FASTKD5: variants seen among roughly 807,000 people sequenced by gnomAD.
FASTKD5 encodes FAST kinase domains 5.
In FASTKD5, 30 loss-of-function variants were observed where a neutral mutation model predicts 44.0. The ratio of observed to expected loss-of-function variants is 0.68; its 90% confidence interval spans 0.51 to 0.93. FASTKD5 has a LOEUF of 0.93. Ranked by LOEUF, FASTKD5 falls within the 40% of genes least tolerant of loss-of-function variation. The probability of loss-of-function intolerance (pLI) is 0.00; values close to 1 mark genes in which losing one functional copy is unlikely to be tolerated. For missense variants in FASTKD5, 868 were observed against 908.2 expected, an observed-to-expected ratio of 0.96 and a Z score of 0.57; for synonymous variants, 335 against 342.2, an observed-to-expected ratio of 0.98 and a Z score of 0.23.
chr20:3,149,173 A>T lies in FASTKD5; in HGVS notation c.-103T>A. ...GGTGCTTGATTAGAGCTGGACGGGG[A>T]GGTGTTCCACAAAAACTGCCTGGAA... On this transcript the variant is annotated 5_prime_UTR_variant, in exon 2 of 2. Coordinates refer to ENST00000380266, the MANE Select transcript of FASTKD5 (RefSeq NM_021826.5). This position sits in a 1 kb window ranked among gnomAD's most constrained non-coding sequence, Gnocchi z 4.1. 1 of 1,326,658 alleles carries T rather than the reference A, an allele frequency of 7.5e-7. No individual in the cohort carries two copies. The highest frequency in any genetic ancestry group is 1.5e-5 in the South Asian group (1 of 65,466). 82.2% of individuals were successfully genotyped at this position (1,326,658 alleles called of 1,614,324 possible).
chr20:3,158,869 G>A (rs1364947047), intron 1 of FASTKD5, among the ~76,000 whole-genome samples: 1 of 152,240 alleles, frequency 6.6e-6, no homozygotes, highest in African/African-American at 2.4e-5. Context: ...GTTCTGGAAA[G>A]GCAGCCATTC....
Position 3,149,269 on chromosome 20 carries a change from A to G in FASTKD5, c.-190-9T>C. The G allele has an allele frequency of 1.7e-6, 1 of 572,260 alleles. No individual in the cohort carries two copies. Among genetic ancestry groups the G allele is most frequent in the Non-Finnish European group, 3.1e-6 (1 of 324,804 alleles). The allele number at this position is 572,260 out of a possible 1,614,324, so 35.4% of individuals were successfully genotyped here. On this transcript the variant is annotated splice_polypyrimidine_tract_variant and intron_variant, in intron 1 of 1. Transcript: ENST00000380266. The surrounding 1 kb of genome is among the most constrained non-coding windows in gnomAD (Gnocchi z 4.1). The stretch of plus-strand genomic sequence containing the variant: ...AGAATTGGTGCCAGATACTGAAAAA[A>G]GGGTAGATGAAGAATGAGTGGCTTC...
intron 1 of FASTKD5, among the ~76,000 whole-genome samples, chr20:3,154,753 CAT>C (rs1272427008): frequency 1.3e-5 from 2 of 152,132 alleles, no homozygotes; most frequent in African/African-American, 4.8e-5. Flanking sequence ...ATAATACTAA[CAT>C]AATTTTATTA....
Position 3,147,971 on chromosome 20 carries a change from T to A in FASTKD5, c.1100A>T (p.His367Leu). The change falls in exon 2 of 2, where the codon CAC (histidine) becomes CTC (leucine). Residue 367 changes from histidine to leucine, a missense_variant. His to Leu is a moderately conservative substitution (Grantham distance 99). Transcript: ENST00000380266. Reference sequence around the variant, plus strand: ...CTTCATGAAATTGATGTGATCCACGTGAGTGAAACGGAACATTTTAACAAT... The same window carrying A: ...CTTCATGAAATTGATGTGATCCACGAGAGTGAAACGGAACATTTTAACAAT... ...VNIVKMFRFT[H>L]VDHINFMKQI... is the part of the protein sequence containing the mutation. 2 of 1,614,216 alleles carry A rather than the reference T, an allele frequency of 1.2e-6. No individual in the cohort carries two copies. Among genetic ancestry groups the A allele is most frequent in the Non-Finnish European group, 8.5e-7 (1 of 1,180,048 alleles).
chr20:3,152,681 G>A (rs2066643400), intron 1 of FASTKD5, among the ~76,000 whole-genome samples: 1 of 152,128 alleles, frequency 6.6e-6, no homozygotes, highest in South Asian at 2.1e-4. Context: ...GCCAAGGTGG[G>A]CGGACCACTT....
In FASTKD5 at chr20:3,149,597, G is replaced by T. The variant is rs548928163; in HGVS notation, c.-190-337C>A. 3.9e-5 allele frequency among the ~76,000 whole-genome samples: 6 copies of T among 152,336 alleles called. No individual in the cohort carries two copies. The highest frequency in any genetic ancestry group is 2.6e-4 in the Admixed American group (4 of 15,296). On this transcript the variant is annotated intron_variant, in intron 1 of 1. Coordinates refer to ENST00000380266, the MANE Select transcript of FASTKD5 (RefSeq NM_021826.5). This position sits in a 1 kb window ranked among gnomAD's most constrained non-coding sequence, Gnocchi z 4.1. ...AGGAAGGCAGATTTCTAGAAAGAAG[G>T]CTGGGAACAAAAGTGAGCAACTCCT... is the stretch of plus-strand genomic sequence containing the variant.
chr20:3,158,720 C>T (rs1282312527), intron 1 of FASTKD5, among the ~76,000 whole-genome samples: 2 of 152,194 alleles, frequency 1.3e-5, no homozygotes, highest in East Asian at 1.9e-4. Flanking sequence ...GTGATCCGCC[C>T]GCCTTGACCT....
chr20:3,151,047 A>AGTGTGTGTGT (rs372608459), intron 1 of FASTKD5, among the ~76,000 whole-genome samples: 2 of 151,896 alleles, frequency 1.3e-5, no homozygotes, highest in African/African-American at 4.8e-5. Flanking sequence ...AAACCCAGTT[A>AGTGTGTGTGT]GTGTGTGTTT....
chr20:3,148,937 T>C lies in FASTKD5; in HGVS notation c.134A>G (p.Glu45Gly), dbSNP rs2066597154. 1 of 1,614,102 alleles carries C rather than the reference T, an allele frequency of 6.2e-7. No individual in the cohort carries two copies. The highest frequency in any genetic ancestry group is 8.5e-7 in the Non-Finnish European group (1 of 1,180,046). ...STQHGGQDPP[E>G]HISLCHSAKK... ...GGCAGAATGGCAGAGGCTAATGTGT[T>C]CTGGAGGGTCCTGTCCCCCATGCTG... The change falls in exon 2 of 2, where the codon GAA (glutamate) becomes GGA (glycine). Residue 45 changes from glutamate (E) to glycine (G), a missense_variant. Physicochemically the swap from Glu to Gly is moderately conservative, Grantham distance 98. Transcript: ENST00000380266.
chr20:3,158,721 G>A (rs1290089784), intron 1 of FASTKD5, among the ~76,000 whole-genome samples: 1 of 151,806 alleles, frequency 6.6e-6, no homozygotes, highest in African/African-American at 2.4e-5. Flanking sequence ...TGATCCGCCC[G>A]CCTTGACCTC....
intron 1 of FASTKD5, among the ~76,000 whole-genome samples, chr20:3,150,268 T>C (rs2066611318): frequency 6.6e-6 from 1 of 151,968 alleles, no homozygotes; most frequent in Non-Finnish European, 1.5e-5. Flanking sequence ...AAGCAGAAGG[T>C]TGAGGGTCTG....
chr20:3,151,830 C>A (rs965712478), intron 1 of FASTKD5: 1 of 151,836 alleles, frequency 6.6e-6, no homozygotes, highest in Non-Finnish European at 1.5e-5. Context: ...GATGGCCAGG[C>A]GTGGTGGCTC....
chr20:3,155,063 A>G (rs1358407896), intron 1 of FASTKD5, among the ~76,000 whole-genome samples: 2 of 148,146 alleles, frequency 1.4e-5, no homozygotes, highest in Non-Finnish European at 3.0e-5. Flanking sequence ...AAAAAAAAAA[A>G]AAAAAAAAAG....
At chr20:3,152,285 G>A (rs1029196201) in intron 1 of FASTKD5, among the ~76,000 whole-genome samples, 1 of 151,438 alleles carries the variant, frequency 6.6e-6, no homozygotes, top group African/African-American at 2.4e-5. Flanking sequence ...TTCGAGACCA[G>A]CCTGGCCAAC....
rs544623668 is a variant in FASTKD5, at chr20:3,157,482, C to A, written c.-191+2284G>T. On this transcript the variant is annotated intron_variant, in intron 1 of 1. Coordinates refer to ENST00000380266, the MANE Select transcript of FASTKD5 (RefSeq NM_021826.5). ...TTGTGAAACTTTTTCAGCTACACAG[C>A]CCTTCCGCTTCTCTTTTAAGACTCT... Among the ~76,000 whole-genome samples the A allele has an allele frequency of 2.0e-5, 3 of 152,314 alleles. No individual in the cohort carries two copies. In the South Asian group the frequency reaches 6.2e-4, roughly 32 times the overall value.
chr20:3,153,325 T>C (rs983534339), intron 1 of FASTKD5, among the ~76,000 whole-genome samples: 4 of 152,240 alleles, frequency 2.6e-5, no homozygotes, highest in Non-Finnish European at 5.9e-5. Context: ...AAGATGGAAA[T>C]AACCAGAGCT....
In FASTKD5 at chr20:3,149,566, G is replaced by A. The variant is rs910052427; in HGVS notation, c.-190-306C>T. Among the ~76,000 whole-genome samples the A allele has an allele frequency of 6.6e-6, 1 of 152,162 alleles. No individual in the cohort carries two copies. Among genetic ancestry groups the A allele is most frequent in the African/African-American group, 2.4e-5 (1 of 41,452 alleles). ...GACGGTGCTCCGCTAACATTTGATAGGAAGAAGGAAGGCAGATTTCTAGAA... is the reference window on the plus strand; with the variant it reads ...GACGGTGCTCCGCTAACATTTGATAAGAAGAAGGAAGGCAGATTTCTAGAA... On this transcript the variant is annotated intron_variant, in intron 1 of 1. Transcript: ENST00000380266. This position sits in a 1 kb window ranked among gnomAD's most constrained non-coding sequence, Gnocchi z 4.1.
At position 3,147,651 on chromosome 20, in the gene FASTKD5, T is replaced by C; in HGVS notation, c.1420A>G (p.Thr474Ala). Residue 474 changes from threonine (T) to alanine (A), a missense_variant, in exon 2 of 2, where the codon ACC (threonine) becomes GCC (alanine). Transcript: ENST00000380266. ...EFNQYPEHLP[T>A]CLLGLAFLEY... Reference sequence around the variant, plus strand: ...AAAAATGCCAGGCCCAGCAGGCAGGTGGGCAGGTGTTCTGGGTACTGGTTG... The same window carrying C: ...AAAAATGCCAGGCCCAGCAGGCAGGCGGGCAGGTGTTCTGGGTACTGGTTG... 6.2e-7 allele frequency: 1 copy of C among 1,614,208 alleles called. No individual in the cohort carries two copies. Among genetic ancestry groups the C allele is most frequent in the Non-Finnish European group, 8.5e-7 (1 of 1,180,040 alleles).
Position 3,152,903 on chromosome 20 carries a change from CAA to C in FASTKD5, c.-190-3645_-190-3644del, listed in dbSNP as rs200186346. Among the ~76,000 whole-genome samples, 704 of 117,974 alleles carry C rather than the reference CAA, an allele frequency of 6.0e-3. 1 individual carries two copies. The highest frequency in any genetic ancestry group is 8.8e-3 in the Middle Eastern group (2 of 226). The allele number at this position is 117,974 out of a possible 152,430, so 77.4% of individuals were successfully genotyped here. A position where few individuals can be genotyped will look rare whatever the true frequency, so the allele number is the denominator to read the frequency against. ...CCTGGGCGAAAGAGCAAGACTGTCTCAAAAAAAAAAAAAAGTAGATCCTAAAA... is the reference window on the plus strand; with the variant it reads ...CCTGGGCGAAAGAGCAAGACTGTCTCAAAAAAAAAAAAGTAGATCCTAAAA... On this transcript the variant is annotated intron_variant, in intron 1 of 1. Transcript: ENST00000380266.
Sources: gnomAD v4.1 joint callset for allele counts (sites outside exome capture counted in the v4.1 genomes callset) on GRCh38, gnomAD v4.1.1 for gene constraint, Gnocchi (gnomAD v3.1) non-coding constraint, MANE v1.5 for transcripts, NCBI Gene and HGNC (gene_info 2026-07-23, HGNC 2026-07-21) for gene names.